ARHGAP5: variants seen among roughly 807,000 people sequenced by gnomAD.
ARHGAP5 encodes the protein Rho GTPase activating protein 5.
In ARHGAP5, 23 loss-of-function variants were observed where a neutral mutation model predicts 116.6. That is an observed-to-expected ratio of 0.20 (90% CI 0.14 to 0.28). The LOEUF is 0.28. ARHGAP5 is among the 10% of genes least tolerant of loss of function. The pLI is 1.00. For missense variants in ARHGAP5, 1,405 were observed against 1,774.8 expected, an observed-to-expected ratio of 0.79 and a Z score of 3.74; for synonymous variants, 574 against 602.0, an observed-to-expected ratio of 0.95 and a Z score of 0.68.
intron 6 of ARHGAP5, among the ~76,000 whole-genome samples, chr14:32,153,041 GGTTTTTTTT>G (rs146254067): frequency 0.23 from 34,312 of 147,418 alleles, 4,812 homozygotes; most frequent in East Asian, 0.57. Context: ...TGAACTGTAT[GGTTTTTTTT>G]GTTTTTTTTT....
At chr14:32,122,348 C>T (rs1462222863) in intron 3 of ARHGAP5, among the ~76,000 whole-genome samples, 1 of 152,086 alleles carries the variant, frequency 6.6e-6, no homozygotes, top group Non-Finnish European at 1.5e-5. Context: ...ATCCTTTGCC[C>T]TCTTTTTAGT....
intron 3 of ARHGAP5, among the ~76,000 whole-genome samples, chr14:32,128,121 G>T (rs1191960626): frequency 6.6e-6 from 1 of 151,486 alleles, no homozygotes; most frequent in African/African-American, 2.4e-5. Context: ...CATCCCAGAT[G>T]ATGGGCGGCC....
intron 1 of ARHGAP5, among the ~76,000 whole-genome samples, chr14:32,087,056 C>T (rs1018064801): frequency 1.3e-5 from 2 of 151,876 alleles, no homozygotes; most frequent in Non-Finnish European, 2.9e-5. Flanking sequence ...TGAAAGTAAG[C>T]CTACATCAAA....
Position 32,154,753 on chromosome 14 carries a change from T to C in ARHGAP5, c.4314T>C (p.Val1438=). 6.2e-7 allele frequency: 1 copy of C among 1,614,200 alleles called. No individual in the cohort carries two copies. The highest frequency in any genetic ancestry group is 1.1e-5 in the South Asian group (1 of 91,082). Reference sequence around the variant, plus strand: ...CTACTAAGATTCATCAATCTGTTGTTGAAACATTCATTCAGCAGTGTCAGT... The same window carrying C: ...CTACTAAGATTCATCAATCTGTTGTCGAAACATTCATTCAGCAGTGTCAGT... ...LSTTKIHQSV[V]ETFIQQCQFF... Residue 1438 remains valine, a synonymous_variant, in exon 7 of 7, where the codon GTT becomes GTC. Coordinates refer to ENST00000345122, the MANE Select transcript of ARHGAP5 (RefSeq NM_001030055.2).
At chr14:32,141,365 G>C (rs746751924) in intron 3 of ARHGAP5, among the ~76,000 whole-genome samples, 63 of 152,214 alleles carry the variant, frequency 4.1e-4, no homozygotes, top group Non-Finnish European at 7.1e-4. Context: ...TTAATTGAAA[G>C]CACCTTAGTT....
intron 2 of ARHGAP5, among the ~76,000 whole-genome samples, chr14:32,103,862 T>C (rs1233878061): frequency 6.6e-6 from 1 of 152,172 alleles, no homozygotes; most frequent in Admixed American, 6.5e-5. Flanking sequence ...AAAATAGTAG[T>C]AATTTTTGAT....
Position 32,159,539 on chromosome 14 carries a change from T to C in ARHGAP5, c.*4591T>C, listed in dbSNP as rs1257328638. On this transcript the variant is annotated 3_prime_UTR_variant, in exon 7 of 7. Transcript: ENST00000345122. ...GATTAGTTTTAAGTGTGTATATGTA[T>C]TTGCTCACCAGATCATTTTCTTGGG... The C allele has an allele frequency of 6.6e-6, 1 of 152,190 alleles. No individual in the cohort carries two copies. Among genetic ancestry groups the C allele is most frequent in the Non-Finnish European group, 1.5e-5 (1 of 68,018 alleles). 9.4% of individuals were successfully genotyped at this position (152,190 alleles called of 1,614,324 possible). A position where few individuals can be genotyped will look rare whatever the true frequency, so the allele number is the denominator to read the frequency against.
chr14:32,120,773 ATGTT>A, intron 3 of ARHGAP5, among the ~76,000 whole-genome samples: 1 of 152,136 alleles, frequency 6.6e-6, no homozygotes, highest in East Asian at 1.9e-4. Flanking sequence ...CTTGAACTGA[ATGTT>A]TATTATAGTG....
At chr14:32,108,586 C>T (rs537427551) in intron 2 of ARHGAP5, among the ~76,000 whole-genome samples, 2 of 151,792 alleles carry the variant, frequency 1.3e-5, no homozygotes, top group African/African-American at 4.8e-5. Flanking sequence ...GATTTCAGGC[C>T]ATTAGGAAGG....
chr14:32,139,630 A>G (rs1262623552), intron 3 of ARHGAP5, among the ~76,000 whole-genome samples: 1 of 151,738 alleles, frequency 6.6e-6, no homozygotes, highest in Non-Finnish European at 1.5e-5. Context: ...AGGTTTGTCA[A>G]TTTAATCTTT....
intron 3 of ARHGAP5, among the ~76,000 whole-genome samples, chr14:32,136,767 C>T (rs1034037987): frequency 1.3e-5 from 2 of 152,296 alleles, no homozygotes; most frequent in Non-Finnish European, 2.9e-5. Flanking sequence ...CTCACCAACA[C>T]TTGCTGTTTT....
At chr14:32,085,027 G>A (rs1289983465) in intron 1 of ARHGAP5, among the ~76,000 whole-genome samples, 2 of 147,470 alleles carry the variant, frequency 1.4e-5, no homozygotes, top group Admixed American at 6.7e-5. Context: ...CAGATTATGG[G>A]ATATGAGTTA....
In ARHGAP5 at chr14:32,090,526, G is replaced by A. The variant is rs1333759241; in HGVS notation, c.-144G>A. On this transcript the variant is annotated 5_prime_UTR_variant, in exon 2 of 7. Coordinates refer to ENST00000345122, the MANE Select transcript of ARHGAP5 (RefSeq NM_001030055.2). ...GGAAGATGATCCCTATGATCTTGAA[G>A]ATGTTTCTGCACAGAAATGAGGGAA... 2.9e-6 allele frequency: 2 copies of A among 685,188 alleles called. No homozygotes were observed. The highest frequency in any genetic ancestry group is 5.3e-5 in the East Asian group (2 of 37,486). 42.4% of individuals were successfully genotyped at this position (685,188 alleles called of 1,614,324 possible).
chr14:32,153,737 C>G (rs1881764433), intron 6 of ARHGAP5, among the ~76,000 whole-genome samples: 1 of 151,896 alleles, frequency 6.6e-6, no homozygotes. Flanking sequence ...TCCCAAAGAG[C>G]TGGGGTTACA....
intron 2 of ARHGAP5, among the ~76,000 whole-genome samples, chr14:32,104,565 AC>A (rs1878927317): frequency 6.6e-6 from 1 of 152,120 alleles, no homozygotes; most frequent in African/African-American, 2.4e-5. Flanking sequence ...GATTAAATAA[AC>A]CTTTAGAGTG....
intron 3 of ARHGAP5, among the ~76,000 whole-genome samples, chr14:32,117,510 T>G (rs1182272232): frequency 6.6e-6 from 1 of 152,236 alleles, no homozygotes; most frequent in Non-Finnish European, 1.5e-5. Context: ...ATGGCTAAGT[T>G]GAATACTAAA....
chr14:32,080,829 G>T (rs1291636742), intron 1 of ARHGAP5, among the ~76,000 whole-genome samples: 1 of 151,948 alleles, frequency 6.6e-6, no homozygotes, highest in East Asian at 1.9e-4. Context: ...CTTTAGATTT[G>T]CAGGGAAATG....
At chr14:32,115,217 CTTT>C (rs759483802) in intron 2 of ARHGAP5, among the ~76,000 whole-genome samples, 14 of 152,266 alleles carry the variant, frequency 9.2e-5, no homozygotes, top group Admixed American at 3.9e-4. Flanking sequence ...AAAAATACTT[CTTT>C]AAGTTTTTGA....
chr14:32,149,119 A>G (rs1404375194), intron 4 of ARHGAP5, among the ~76,000 whole-genome samples: 1 of 151,884 alleles, frequency 6.6e-6, no homozygotes, highest in East Asian at 1.9e-4. Flanking sequence ...TCCAGTGAAC[A>G]AGTTTCAGAT....
Sources: allele counts gnomAD v4.1 joint callset (sites outside exome capture counted in the v4.1 genomes callset), GRCh38; gene constraint gnomAD v4.1.1; transcripts MANE v1.5; gene names NCBI Gene and HGNC (gene_info 2026-07-23, HGNC 2026-07-21).